SLC27A6: variants seen among roughly 807,000 people sequenced by gnomAD.
SLC27A6 encodes solute carrier family 27 member 6.
In SLC27A6, 74 loss-of-function variants were observed where a neutral mutation model predicts 63.9. That is an observed-to-expected ratio of 1.16 (90% confidence interval 0.96 to 1.40). The LOEUF (loss-of-function observed/expected upper bound fraction) is 1.40, where lower values mean the gene tolerates loss of function less well. Ranked by LOEUF, SLC27A6 falls within the 40% of genes most tolerant of loss-of-function variation. The pLI is 0.00. For missense variants in SLC27A6, 794 were observed against 732.9 expected, an observed-to-expected ratio of 1.08 and a Z score of -0.96; for synonymous variants, 287 against 260.8, an observed-to-expected ratio of 1.10 and a Z score of -0.97.
chr5:129,027,296 C>T lies in SLC27A6; in HGVS notation c.1419C>T (p.Phe473=), dbSNP rs1222124494. 6.2e-7 allele frequency: 1 copy of T among 1,612,802 alleles called. No homozygotes were observed. The highest frequency in any genetic ancestry group is 8.5e-7 in the Non-Finnish European group (1 of 1,179,196). ...TAATAGTCCAGGATCAGGACAATTT[C>T]CTTTATTTTTGGGACCGTACTGGAG... is the stretch of plus-strand genomic sequence containing the variant. ...GDLIVQDQDN[F]LYFWDRTGDT... is the part of the protein sequence containing the mutation. Residue 473 remains phenylalanine, a synonymous_variant, in exon 7 of 10, where the codon TTC becomes TTT. Coordinates refer to ENST00000262462, the MANE Select transcript of SLC27A6 (RefSeq NM_001017372.3).
chr5:129,015,328 C>T (rs946489542), intron 4 of SLC27A6, among the ~76,000 whole-genome samples: 2 of 152,060 alleles, frequency 1.3e-5, no homozygotes, highest in African/African-American at 4.8e-5. Context: ...ATATAGTTGC[C>T]ATAATATTTA....
chr5:128,978,953 G>GT (rs34569692), intron 1 of SLC27A6, among the ~76,000 whole-genome samples: 1 of 152,084 alleles, frequency 6.6e-6, no homozygotes, highest in African/African-American at 2.4e-5. Context: ...TGGTGTACAG[G>GT]TTTGTAGCCT....
Position 128,985,211 on chromosome 5 carries a change from C to T in SLC27A6, c.560C>T (p.Pro187Leu), listed in dbSNP as rs1221570914. 2 of 1,613,852 alleles carry T rather than the reference C, an allele frequency of 1.2e-6. No individual in the cohort carries two copies. Among genetic ancestry groups the T allele is most frequent in the South Asian group, 2.2e-5 (2 of 91,072 alleles). The change falls in exon 2 of 10, where the codon CCA becomes CTA. Residue 187 changes from proline to leucine, a missense_variant. Pro to Leu is a moderately conservative substitution (Grantham distance 98). Transcript: ENST00000262462. Reference sequence around the variant, plus strand: ...GTTTGGGGGATGAAAGATTCTGTTCCACAAGGTGTAATTTCACTCAAAGAA... The same window carrying T: ...GTTTGGGGGATGAAAGATTCTGTTCTACAAGGTGTAATTTCACTCAAAGAA... ...ISVWGMKDSV[P>L]QGVISLKEKL...
intron 4 of SLC27A6, among the ~76,000 whole-genome samples, chr5:129,004,329 T>C (rs1002821486): frequency 1.3e-5 from 2 of 152,196 alleles, no homozygotes; most frequent in Non-Finnish European, 2.9e-5. Flanking sequence ...CTCCCCTTGC[T>C]CCCTAGCTCT....
At chr5:128,977,588 A>G (rs1750432769) in intron 1 of SLC27A6, among the ~76,000 whole-genome samples, 1 of 152,210 alleles carries the variant, frequency 6.6e-6, no homozygotes, top group African/African-American at 2.4e-5. Context: ...ATGATTTAGC[A>G]TCAGAAAATC....
rs1316462970 is a variant in SLC27A6, at chr5:129,016,027, T to A, written c.1112T>A (p.Met371Lys). The A allele has an allele frequency of 6.2e-7, 1 of 1,604,128 alleles. No individual in the cohort carries two copies. Among genetic ancestry groups the A allele is most frequent in the South Asian group, 1.1e-5 (1 of 89,506 alleles). The change falls in exon 5 of 10, where the codon ATG becomes AAG. Residue 371 changes from methionine (M) to lysine (K), a missense_variant. By Grantham distance (95) the Met-to-Lys change is moderately conservative. Coordinates refer to ENST00000262462, the MANE Select transcript of SLC27A6 (RefSeq NM_001017372.3). Reference sequence around the variant, plus strand: ...GCTACCGAATCAAGCATATCTTTCATGAACTACACTGGGAGAATTGGAGCA... The same window carrying A: ...GCTACCGAATCAAGCATATCTTTCAAGAACTACACTGGGAGAATTGGAGCA... The part of the protein sequence containing the change: ...YAATESSISF[M>K]NYTGRIGAIG...
intron 1 of SLC27A6, among the ~76,000 whole-genome samples, chr5:128,982,785 G>A (rs950859895): frequency 6.6e-6 from 1 of 152,156 alleles, no homozygotes; most frequent in African/African-American, 2.4e-5. Flanking sequence ...CATGATGTGT[G>A]TGTGTTAAGT....
intron 5 of SLC27A6, among the ~76,000 whole-genome samples, chr5:129,021,119 C>A (rs1752060993): frequency 6.7e-6 from 1 of 150,270 alleles, no homozygotes; most frequent in Admixed American, 6.7e-5. Flanking sequence ...AAGCCCCCGG[C>A]CTACCTCACA....
chr5:128,994,213 T>C (rs1012207866), intron 4 of SLC27A6, among the ~76,000 whole-genome samples: 3 of 152,006 alleles, frequency 2.0e-5, no homozygotes, highest in African/African-American at 7.2e-5. Flanking sequence ...TAACTAAATC[T>C]CTTCAAAGAA....
At chr5:129,022,967 G>A (rs1752124571) in intron 5 of SLC27A6, among the ~76,000 whole-genome samples, 1 of 152,068 alleles carries the variant, frequency 6.6e-6, no homozygotes, top group Admixed American at 6.6e-5. Context: ...AGGGATGAGA[G>A]GAGACATCCA....
At chr5:128,981,000 C>T (rs1351717658) in intron 1 of SLC27A6, among the ~76,000 whole-genome samples, 4 of 152,076 alleles carry the variant, frequency 2.6e-5, no homozygotes, top group Admixed American at 2.0e-4. Context: ...AACAAGAAAT[C>T]AATTTGTAAA....
intron 1 of SLC27A6, among the ~76,000 whole-genome samples, chr5:128,981,216 A>G (rs1297385369): frequency 6.6e-6 from 1 of 152,174 alleles, no homozygotes; most frequent in Middle Eastern, 3.2e-3. Flanking sequence ...GTGGTGGCTC[A>G]TGTCTATAAT....
In SLC27A6 at chr5:129,033,479, TTATC is replaced by T; in HGVS notation, c.*201_*204del. On this transcript the variant is annotated 3_prime_UTR_variant, in exon 10 of 10. Coordinates refer to ENST00000262462, the MANE Select transcript of SLC27A6 (RefSeq NM_001017372.3). ...TATAAACAGTAGTTGATTATTCTTT[TTATC>T]TATTTGGAGATTCAGTGCATAACTA... 3.4e-6 allele frequency: 1 copy of T among 296,150 alleles called. No homozygotes were observed. The allele number at this position is 296,150 out of a possible 1,614,324, so 18.3% of individuals were successfully genotyped here. A position where few individuals can be genotyped will look rare whatever the true frequency, so the allele number is the denominator to read the frequency against.
chr5:128,973,545 G>A (rs1422348611), intron 1 of SLC27A6, among the ~76,000 whole-genome samples: 1 of 152,208 alleles, frequency 6.6e-6, no homozygotes, highest in Non-Finnish European at 1.5e-5. Context: ...TGCTAGCAGT[G>A]AGCAAGGCTT....
chr5:128,975,887 T>C (rs1445558404), intron 1 of SLC27A6, among the ~76,000 whole-genome samples: 2 of 152,210 alleles, frequency 1.3e-5, no homozygotes, highest in African/African-American at 4.8e-5. Flanking sequence ...AGTGCCTCCA[T>C]GGCCAGTAAA....
intron 4 of SLC27A6, among the ~76,000 whole-genome samples, chr5:128,995,373 A>G (rs1751122438): frequency 1.3e-5 from 2 of 152,236 alleles, no homozygotes; most frequent in Non-Finnish European, 1.5e-5. Flanking sequence ...TATACAGGAC[A>G]CACAGGACAA....
Position 128,966,600 on chromosome 5 carries a change from G to C in SLC27A6, c.463G>C (p.Ala155Pro), listed in dbSNP as rs1242176342. The C allele has an allele frequency of 6.5e-7, 1 of 1,527,760 alleles. No homozygotes were observed. The highest frequency in any genetic ancestry group is 8.7e-7 in the Non-Finnish European group (1 of 1,146,132). The allele number at this position is 1,527,760 out of a possible 1,614,324, so 94.6% of individuals were successfully genotyped here. A position where few individuals can be genotyped will look rare whatever the true frequency, so the allele number is the denominator to read the frequency against. The change falls in exon 1 of 10, where the codon GCC (alanine) becomes CCC (proline). Residue 155 changes from alanine (A) to proline (P), a missense_variant. Transcript: ENST00000262462. The part of the protein sequence containing the change: ...LNCIRACGPR[A>P]LVVGADLLGT... ...TTGCATCCGCGCCTGTGGGCCCAGA[G>C]CCCTAGTGGTGGGCGCAGGTAGAGT...
intron 9 of SLC27A6, 117 bp downstream of exon 9, chr5:129,029,824 G>T (rs1752360748): frequency 1.1e-6 from 1 of 875,978 alleles, no homozygotes; most frequent in Non-Finnish European, 1.8e-6. Context: ...GAGGCGTGGC[G>T]TGTAGAGTTG....
At chr5:128,966,643 T>A (rs1749914858) in intron 1 of SLC27A6, 25 bp downstream of exon 1, 1 of 1,457,712 alleles carries the variant, frequency 6.9e-7, no homozygotes, top group Non-Finnish European at 9.0e-7. Flanking sequence ...GTGGTCTGCC[T>A]ATACAGAATG....
Sources: gnomAD v4.1 joint callset for allele counts (sites outside exome capture counted in the v4.1 genomes callset) on GRCh38, gnomAD v4.1.1 for gene constraint, MANE v1.5 for transcripts, NCBI Gene and HGNC (gene_info 2026-07-23, HGNC 2026-07-21) for gene names.